Variants in DLGAP2 observed in about 807,000 individuals in gnomAD.
DLGAP2 encodes DLG associated protein 2.
In DLGAP2, 26 loss-of-function variants were observed where a neutral mutation model predicts 100.3. The ratio of observed to expected loss-of-function variants is 0.26; its 90% CI spans 0.19 to 0.36. The LOEUF is 0.36. DLGAP2 is among the 10% of genes least tolerant of loss of function. The probability of loss-of-function intolerance (pLI) is 1.00; values close to 1 mark genes in which losing one functional copy is unlikely to be tolerated. For missense variants in DLGAP2, 1,858 were observed against 1,453.2 expected (o/e 1.28, Z -4.53); for synonymous variants, 886 against 630.1 (o/e 1.41, Z -6.08).
intron 6 of DLGAP2, among the ~76,000 whole-genome samples, chr8:1,620,971 C>T (rs1042458189): frequency 6.6e-6 from 1 of 152,196 alleles, no homozygotes; most frequent in African/African-American, 2.4e-5. Context: ...AAACAATGCT[C>T]ACTCCCCGCC....
chr8:760,455 C>T (rs1157383854), intron 1 of DLGAP2, among the ~76,000 whole-genome samples: 1 of 152,060 alleles, frequency 6.6e-6, no homozygotes, highest in Non-Finnish European at 1.5e-5. Flanking sequence ...AAATAATTTC[C>T]TAAAGTTTCT....
chr8:1,606,254 T>G (rs561101273), intron 6 of DLGAP2, among the ~76,000 whole-genome samples: 3 of 152,278 alleles, frequency 2.0e-5, no homozygotes, highest in South Asian at 4.1e-4. Flanking sequence ...TTTTCCTCCT[T>G]TATTGAGTTA....
At chr8:1,124,834 A>G (rs1312577566) in intron 2 of DLGAP2, among the ~76,000 whole-genome samples, 3 of 152,174 alleles carry the variant, frequency 2.0e-5, no homozygotes, top group Non-Finnish European at 4.4e-5. Flanking sequence ...AGTCTGCAGG[A>G]TGGCTGAGTG....
At chr8:1,566,173 C>G (rs1459769981) in intron 6 of DLGAP2, among the ~76,000 whole-genome samples, 1 of 152,148 alleles carries the variant, frequency 6.6e-6, no homozygotes, top group Non-Finnish European at 1.5e-5. Flanking sequence ...TCTGATCATT[C>G]AGATTATCCT....
At chr8:1,489,980 C>T (rs1799333265) in intron 3 of DLGAP2, among the ~76,000 whole-genome samples, 1 of 152,156 alleles carries the variant, frequency 6.6e-6, no homozygotes, top group African/African-American at 2.4e-5. Context: ...CAACCTCCAC[C>T]TCTCAGGTTC....
At chr8:1,662,878 T>C (rs1228034730) in intron 8 of DLGAP2, among the ~76,000 whole-genome samples, 1 of 132,138 alleles carries the variant, frequency 7.6e-6, no homozygotes, top group African/African-American at 3.0e-5. Flanking sequence ...GTGGGGTGTG[T>C]GCGCGTGTGT....
intron 2 of DLGAP2, among the ~76,000 whole-genome samples, chr8:915,662 G>A (rs1488989364): frequency 3.9e-5 from 6 of 152,138 alleles, no homozygotes; most frequent in South Asian, 2.1e-4. Flanking sequence ...CTGGTCATGC[G>A]TTTGCCTTAG....
At chr8:800,266 A>G (rs1235771166) in intron 1 of DLGAP2, among the ~76,000 whole-genome samples, 1 of 152,234 alleles carries the variant, frequency 6.6e-6, no homozygotes, top group Admixed American at 6.5e-5. Context: ...AGGGTTTTAA[A>G]GATGTACAGA....
chr8:1,676,415 G>A lies in DLGAP2; in HGVS notation c.2203-118G>A, dbSNP rs73547759. 3,467 of 1,053,628 alleles carry A rather than the reference G, an allele frequency of 3.3e-3. 69 individuals are homozygous for A. In the African/African-American group the frequency reaches 0.048, roughly 14 times the overall value. 65.3% of individuals were successfully genotyped at this position (1,053,628 alleles called of 1,614,324 possible). ...GCGGTTTTACTGGGTCAAGTGCACC[G>A]CTGCATTAATTAAACAAATGCGTAA... On this transcript the variant is annotated intron_variant, in intron 10 of 14. Coordinates refer to ENST00000637795, the MANE Select transcript of DLGAP2 (RefSeq NM_001346810.2).
At chr8:1,409,819 G>A (rs1796679666) in intron 3 of DLGAP2, among the ~76,000 whole-genome samples, 1 of 152,190 alleles carries the variant, frequency 6.6e-6, no homozygotes, top group Admixed American at 6.5e-5. Context: ...CAGAGCCCCA[G>A]GGCCTTCAGG....
chr8:800,131 C>A (rs1271442515), intron 1 of DLGAP2, among the ~76,000 whole-genome samples: 1 of 152,110 alleles, frequency 6.6e-6, no homozygotes, highest in African/African-American at 2.4e-5. Context: ...CTGGTCTATG[C>A]CACATGCCAA....
intron 1 of DLGAP2, 120 bp downstream of exon 1, chr8:737,945 G>C (rs1211684315): frequency 2.9e-6 from 1 of 348,684 alleles, no homozygotes; most frequent in African/African-American, 2.2e-5. Context: ...TTGGGGGCGG[G>C]GGCGAGCGGG....
At chr8:1,219,779 A>G (rs1798281317) in intron 2 of DLGAP2, among the ~76,000 whole-genome samples, 1 of 151,912 alleles carries the variant, frequency 6.6e-6, no homozygotes. Flanking sequence ...TTACAGAATC[A>G]ATTTTAGAAC....
At chr8:1,526,349 C>T (rs1198321297) in intron 4 of DLGAP2, among the ~76,000 whole-genome samples, 3 of 151,934 alleles carry the variant, frequency 2.0e-5, no homozygotes, top group Admixed American at 6.6e-5. Flanking sequence ...CTGAGAGTCT[C>T]CCCCACTCAC....
At chr8:1,618,189 T>C (rs896227688) in intron 6 of DLGAP2, among the ~76,000 whole-genome samples, 1 of 152,204 alleles carries the variant, frequency 6.6e-6, no homozygotes, top group Admixed American at 6.5e-5. Context: ...TTTATTCTTA[T>C]ATCACATGAT....
intron 1 of DLGAP2, among the ~76,000 whole-genome samples, chr8:826,789 G>C (rs1040718261): frequency 7.2e-5 from 11 of 152,164 alleles, no homozygotes; most frequent in African/African-American, 2.7e-4. Context: ...CTGTGTCCCA[G>C]CTACGTTTGG....
chr8:1,033,372 C>T (rs1802027519), intron 2 of DLGAP2, among the ~76,000 whole-genome samples: 1 of 152,146 alleles, frequency 6.6e-6, no homozygotes, highest in South Asian at 2.1e-4. Flanking sequence ...AGAATAAAGG[C>T]TTAGCTGGGG....
chr8:977,051 G>T (rs1010650255), intron 2 of DLGAP2, among the ~76,000 whole-genome samples: 28 of 152,190 alleles, frequency 1.8e-4, no homozygotes, highest in Non-Finnish European at 3.5e-4. Flanking sequence ...AAAATACATG[G>T]ATTGGTAGCC....
At chr8:940,017 G>A (rs940756179) in intron 2 of DLGAP2, among the ~76,000 whole-genome samples, 9 of 152,116 alleles carry the variant, frequency 5.9e-5, no homozygotes, top group African/African-American at 1.9e-4. Flanking sequence ...AGAAGGAGCC[G>A]GGATCTCCGT....
Sources: allele counts gnomAD v4.1 joint callset (sites outside exome capture counted in the v4.1 genomes callset), GRCh38; gene constraint gnomAD v4.1.1; transcripts MANE v1.5; gene names NCBI Gene and HGNC (gene_info 2026-07-23, HGNC 2026-07-21).